BTBD9: variants seen among roughly 807,000 people sequenced by gnomAD.
BTBD9 encodes BTB domain containing 9.
In BTBD9, 49 loss-of-function variants were observed where a neutral mutation model predicts 64.3. The ratio of observed to expected loss-of-function variants is 0.76; its 90% CI spans 0.61 to 0.97. The LOEUF (loss-of-function observed/expected upper bound fraction) is 0.97, where lower values mean the gene tolerates loss of function less well. Ranked by LOEUF, BTBD9 falls within the 50% of genes least tolerant of loss-of-function variation. The pLI is 0.00. For missense variants in BTBD9, 598 were observed against 762.1 expected (o/e 0.78, Z 2.53); for synonymous variants, 260 against 274.7 (o/e 0.95, Z 0.53).
chr6:38,485,879 G>C (rs2127385839), intron 6 of BTBD9, among the ~76,000 whole-genome samples: 1 of 152,320 alleles, frequency 6.6e-6, no homozygotes, highest in South Asian at 2.1e-4. Flanking sequence ...AAAGTCCTGG[G>C]TGGCATCTTC....
intron 6 of BTBD9, among the ~76,000 whole-genome samples, chr6:38,378,694 T>C (rs1312546160): frequency 6.6e-6 from 1 of 151,270 alleles, no homozygotes; most frequent in African/African-American, 2.4e-5. Context: ...ACCAACATAG[T>C]GAAACCCCAT....
intron 2 of BTBD9, among the ~76,000 whole-genome samples, chr6:38,595,073 G>C (rs1288686043): frequency 6.6e-6 from 1 of 152,200 alleles, no homozygotes; most frequent in Middle Eastern, 3.2e-3. Flanking sequence ...AACAGGTACT[G>C]TTTTGAAAAC....
chr6:38,262,526 T>C (rs1246156885), intron 8 of BTBD9, among the ~76,000 whole-genome samples: 1 of 152,088 alleles, frequency 6.6e-6, no homozygotes, highest in Non-Finnish European at 1.5e-5. Flanking sequence ...CTTCCATAAA[T>C]GCTCTGGCTG....
chr6:38,492,693 G>A (rs1771757525), intron 6 of BTBD9, among the ~76,000 whole-genome samples: 1 of 152,120 alleles, frequency 6.6e-6, no homozygotes, highest in Non-Finnish European at 1.5e-5. Flanking sequence ...TTATGGTAAG[G>A]AAAATTATAA....
chr6:38,308,848 C>T (rs1338196888), intron 7 of BTBD9, among the ~76,000 whole-genome samples: 1 of 151,776 alleles, frequency 6.6e-6, no homozygotes, highest in African/African-American at 2.4e-5. Context: ...GTCTCAAACT[C>T]CTGAGCTCAA....
In BTBD9 at chr6:38,550,030, C is replaced by T. The variant is rs367825693; in HGVS notation, c.1154+27570G>A. Among the ~76,000 whole-genome samples the T allele has an allele frequency of 1.1e-3, 163 of 152,228 alleles. 1 individual carries two copies. The highest frequency in any genetic ancestry group is 1.1e-3 in the Non-Finnish European group (78 of 68,008). ...GCAGCTCTTTCTCAGTCTTGTGTAC[C>T]GGATCTTCCTCTGTACCTCATCCAG... On this transcript the variant is annotated intron_variant, in intron 6 of 10. Coordinates refer to ENST00000481247, the MANE Select transcript of BTBD9 (RefSeq NM_001099272.2).
At chr6:38,393,814 C>CA (rs1311341106) in intron 6 of BTBD9, among the ~76,000 whole-genome samples, 1 of 152,158 alleles carries the variant, frequency 6.6e-6, no homozygotes, top group African/African-American at 2.4e-5. Flanking sequence ...TCACTTATGA[C>CA]AGACAGATGG....
chr6:38,503,291 C>A (rs1001193220), intron 6 of BTBD9, among the ~76,000 whole-genome samples: 1 of 152,114 alleles, frequency 6.6e-6, no homozygotes, highest in Non-Finnish European at 1.5e-5. Flanking sequence ...AGCCAACAAC[C>A]CACAAACAGG....
chr6:38,228,885 C>A (rs1237767268), intron 9 of BTBD9, among the ~76,000 whole-genome samples: 10 of 147,194 alleles, frequency 6.8e-5, no homozygotes, highest in Admixed American at 5.4e-4. Flanking sequence ...AAAACAAAAA[C>A]AAAAACAAAA....
chr6:38,542,376 G>A (rs931223649), intron 6 of BTBD9, among the ~76,000 whole-genome samples: 3 of 152,042 alleles, frequency 2.0e-5, no homozygotes, highest in African/African-American at 7.2e-5. Context: ...AAAACCCAGT[G>A]TCAAGGATGT....
At chr6:38,339,774 CA>C (rs1442261517) in intron 7 of BTBD9, among the ~76,000 whole-genome samples, 1 of 152,058 alleles carries the variant, frequency 6.6e-6, no homozygotes, top group African/African-American at 2.4e-5. Context: ...AGTTAGGAAA[CA>C]AAAGTCTTTT....
In BTBD9 at chr6:38,192,521, C is replaced by G. The variant is rs1762119227; in HGVS notation, c.1639G>C (p.Glu547Gln). 6.2e-7 allele frequency: 1 copy of G among 1,613,284 alleles called. No homozygotes were observed. The highest frequency in any genetic ancestry group is 1.3e-5 in the African/African-American group (1 of 74,890). Reference sequence around the variant, plus strand: ...CTCTCATGAAAAGAGACCCTTACCTCATTTGCTGTGTTGTGTGTCCCAACG... The same window carrying G: ...CTCTCATGAAAAGAGACCCTTACCTGATTTGCTGTGTTGTGTGTCCCAACG... ...RIVGTHNTAN[E>Q]VFHCVHFECP... The change falls in exon 10 of 11, where the codon GAG becomes CAG. Residue 547 changes from glutamate (E) to glutamine (Q), a missense_variant and splice_region_variant. By Grantham distance (29) the Glu-to-Gln change is conservative. Coordinates refer to ENST00000481247, the MANE Select transcript of BTBD9 (RefSeq NM_001099272.2).
At chr6:38,236,243 A>G (rs749842690) in intron 9 of BTBD9, among the ~76,000 whole-genome samples, 1 of 152,224 alleles carries the variant, frequency 6.6e-6, no homozygotes, top group Non-Finnish European at 1.5e-5. Flanking sequence ...AACTAGCAAC[A>G]CTACTATAGA....
rs567887587 is a variant in BTBD9, at chr6:38,590,058, C to G, written c.814+2518G>C. On this transcript the variant is annotated intron_variant, in intron 4 of 10. Transcript: ENST00000481247. ...CCTATTTCCTATTAGACATTTCTCC[C>G]TGCATTCATTCACTAAGCATTCACC... Among the ~76,000 whole-genome samples the G allele has an allele frequency of 2.3e-4, 35 of 152,258 alleles. No individual in the cohort carries two copies. The East Asian group carries it at 6.6e-3, about 29-fold the overall frequency.
chr6:38,277,415 C>A (rs1217841912), intron 8 of BTBD9, among the ~76,000 whole-genome samples: 1 of 151,806 alleles, frequency 6.6e-6, no homozygotes, highest in Non-Finnish European at 1.5e-5. Flanking sequence ...CTCACTGCAA[C>A]CTCTGCCTCC....
chr6:38,517,441 CT>C (rs1296019208), intron 6 of BTBD9, among the ~76,000 whole-genome samples: 2 of 152,172 alleles, frequency 1.3e-5, no homozygotes, highest in African/African-American at 4.8e-5. Context: ...CCCCCACCCG[CT>C]GCCTGGCCAC....
At chr6:38,194,088 C>T (rs1762192231) in intron 9 of BTBD9, among the ~76,000 whole-genome samples, 1 of 109,316 alleles carries the variant, frequency 9.1e-6, no homozygotes. Flanking sequence ...TGGGCGACTG[C>T]TGTCCTCCCA....
chr6:38,439,334 G>A (rs1314708565), intron 6 of BTBD9, among the ~76,000 whole-genome samples: 1 of 151,434 alleles, frequency 6.6e-6, no homozygotes, highest in East Asian at 1.9e-4. Context: ...CACCATGCTG[G>A]TCAGGCTGCT....
Position 38,303,891 on chromosome 6 carries a change from G to GTA in BTBD9, c.1265-15432_1265-15431dup, listed in dbSNP as rs1349437954. ...TATATATATACACACACACACATGTGTATATATATACGTGTATATATGTGT... is the reference window on the plus strand; with the variant it reads ...TATATATATACACACACACACATGTGTATATATATATACGTGTATATATGTGT... On this transcript the variant is annotated intron_variant, in intron 7 of 10. Transcript: ENST00000481247. Among the ~76,000 whole-genome samples the GTA allele has an allele frequency of 3.4e-4, 36 of 106,194 alleles. 1 individual carries two copies. Among genetic ancestry groups the GTA allele is most frequent in the African/African-American group, 6.0e-4 (19 of 31,866 alleles). 69.7% of individuals were successfully genotyped at this position (106,194 alleles called of 152,430 possible). A position where few individuals can be genotyped will look rare whatever the true frequency, so the allele number is the denominator to read the frequency against.
Sources: gnomAD v4.1 joint callset for allele counts (sites outside exome capture counted in the v4.1 genomes callset) on GRCh38, gnomAD v4.1.1 for gene constraint, MANE v1.5 for transcripts, NCBI Gene and HGNC (gene_info 2026-07-23, HGNC 2026-07-21) for gene names.